SIPA1L2: variants seen among roughly 807,000 people sequenced by gnomAD.
SIPA1L2 encodes the protein signal induced proliferation associated 1 like 2, also known as signal-induced proliferation-associated 1-like protein 2.
A neutral mutation model predicts 163.9 loss-of-function variants in SIPA1L2; 56 were observed. The ratio of observed to expected loss-of-function variants is 0.34; its 90% CI spans 0.28 to 0.43. SIPA1L2 has a LOEUF of 0.43. Among genes scored for constraint, SIPA1L2 ranks in the 20% least tolerant of loss-of-function variants. The probability of loss-of-function intolerance (pLI) is 1.00; values close to 1 mark genes in which losing one functional copy is unlikely to be tolerated. For synonymous variants in SIPA1L2, 877 were observed against 865.7 expected (o/e 1.01, Z -0.23); for missense variants, 1,974 against 2,193.5 (o/e 0.90, Z 2.00).
At chr1:232,406,694 G>A (rs1660653821) in intron 19 of SIPA1L2, among the ~76,000 whole-genome samples, 1 of 152,180 alleles carries the variant, frequency 6.6e-6, no homozygotes, top group Non-Finnish European at 1.5e-5. Context: ...AACGTGTTAT[G>A]TCTGTCCAAC....
intron 2 of SIPA1L2, among the ~76,000 whole-genome samples, chr1:232,525,551 C>T (rs567582217): frequency 1.3e-5 from 2 of 152,028 alleles, no homozygotes; most frequent in Non-Finnish European, 2.9e-5. Context: ...TCAACACACC[C>T]GGCCAATAAT....
Position 232,597,716 on chromosome 1 carries a change from GT to G in SIPA1L2, c.-318-23495del, listed in dbSNP as rs369496347. On this transcript the variant is annotated intron_variant, in intron 1 of 22. Transcript: ENST00000674635. ...AAAAAAAAAAAAAAAAAAAAAAAAA[GT>G]AACAAGATTTGATCTGGACTCAGAA... Among the ~76,000 whole-genome samples the G allele has an allele frequency of 2.7e-3, 263 of 98,092 alleles. 6 individuals carry two copies. Among genetic ancestry groups the G allele is most frequent in the African/African-American group, 0.01 (255 of 24,394 alleles). 64.4% of individuals were successfully genotyped at this position (98,092 alleles called of 152,430 possible). A position where few individuals can be genotyped will look rare whatever the true frequency, so the allele number is the denominator to read the frequency against.
At chr1:232,538,511 G>A (rs1471198890) in intron 2 of SIPA1L2, among the ~76,000 whole-genome samples, 1 of 152,120 alleles carries the variant, frequency 6.6e-6, no homozygotes, top group African/African-American at 2.4e-5. Flanking sequence ...TTTCCACAGA[G>A]TCCCCCAACA....
intron 2 of SIPA1L2, among the ~76,000 whole-genome samples, chr1:232,553,505 C>T (rs1658523477): frequency 6.6e-6 from 1 of 152,162 alleles, no homozygotes; most frequent in Non-Finnish European, 1.5e-5. Flanking sequence ...CCCTCTTCTA[C>T]CCAGTATTTC....
At chr1:232,547,711 G>GC (rs1386587629) in intron 2 of SIPA1L2, among the ~76,000 whole-genome samples, 1 of 152,070 alleles carries the variant, frequency 6.6e-6, no homozygotes, top group African/African-American at 2.4e-5. Flanking sequence ...ACTTTCGGAG[G>GC]CCTCTACAGT....
chr1:232,620,994 T>C (rs1353900742), intron 1 of SIPA1L2, among the ~76,000 whole-genome samples: 1 of 152,254 alleles, frequency 6.6e-6, no homozygotes, highest in African/African-American at 2.4e-5. Flanking sequence ...CACATTCAAC[T>C]GGCTTAAACA....
At chr1:232,621,440 C>T (rs531550266) in intron 1 of SIPA1L2, among the ~76,000 whole-genome samples, 2 of 152,220 alleles carry the variant, frequency 1.3e-5, no homozygotes, top group East Asian at 1.9e-4. Context: ...CCATACCTTA[C>T]AAGTGAGCTG....
At chr1:232,409,823 G>A (rs1480740389) in intron 19 of SIPA1L2, among the ~76,000 whole-genome samples, 2 of 152,180 alleles carry the variant, frequency 1.3e-5, no homozygotes, top group Non-Finnish European at 2.9e-5. Flanking sequence ...AGTCAACCCA[G>A]AGAATCATAA....
intron 22 of SIPA1L2, 122 bp from the exon 23 acceptor site, chr1:232,399,395 G>T: frequency 9.0e-7 from 1 of 1,109,276 alleles, no homozygotes; most frequent in Non-Finnish European, 1.3e-6. Flanking sequence ...GGGAGAAGGG[G>T]TGACTTTCTT....
intron 10 of SIPA1L2, among the ~76,000 whole-genome samples, chr1:232,456,120 G>C (rs531958059): frequency 1.3e-5 from 2 of 152,202 alleles, no homozygotes; most frequent in Non-Finnish European, 2.9e-5. Context: ...AGAAAAAAAA[G>C]TCTGCTTTGT....
At chr1:232,623,492 C>T (rs1027635995) in intron 1 of SIPA1L2, among the ~76,000 whole-genome samples, 3 of 152,148 alleles carry the variant, frequency 2.0e-5, no homozygotes, top group African/African-American at 7.2e-5. Flanking sequence ...CCTGTAGTCC[C>T]AGCTTCTTGG....
At chr1:232,521,757 T>C (rs552858070) in intron 2 of SIPA1L2, among the ~76,000 whole-genome samples, 3 of 152,306 alleles carry the variant, frequency 2.0e-5, no homozygotes, top group African/African-American at 7.2e-5. Flanking sequence ...CTCCTCCTCC[T>C]CCTCAGGTTG....
At chr1:232,579,891 G>C (rs980718769) in intron 1 of SIPA1L2, among the ~76,000 whole-genome samples, 1 of 152,182 alleles carries the variant, frequency 6.6e-6, no homozygotes. Context: ...TGGGGGCTTG[G>C]AGTGTTACTG....
chr1:232,529,005 C>T (rs1014033953), intron 2 of SIPA1L2, among the ~76,000 whole-genome samples: 1 of 152,154 alleles, frequency 6.6e-6, no homozygotes, highest in African/African-American at 2.4e-5. Context: ...ACTTTATAAA[C>T]CCAGAAGTTA....
intron 12 of SIPA1L2, 133 bp from the exon 13 acceptor site, chr1:232,442,001 A>C: frequency 1.5e-6 from 1 of 681,468 alleles, no homozygotes; most frequent in Middle Eastern, 4.1e-4. Flanking sequence ...TGGCAAATGA[A>C]AATGCAAATT....
chr1:232,457,497 G>A (rs61823573), intron 10 of SIPA1L2, among the ~76,000 whole-genome samples: 6,729 of 152,126 alleles, frequency 0.044, 196 homozygotes, highest in Non-Finnish European at 0.065. Flanking sequence ...ACACACACAT[G>A]CATATACATG....
chr1:232,510,363 C>T (rs537353366), intron 3 of SIPA1L2, among the ~76,000 whole-genome samples: 71 of 152,202 alleles, frequency 4.7e-4, no homozygotes, highest in African/African-American at 1.5e-3. Flanking sequence ...TGATGCGTGA[C>T]TATAGTCTAG....
At chr1:232,441,477 G>A in intron 13 of SIPA1L2, 83 bp from the exon 14 acceptor site, 1 of 1,172,852 alleles carries the variant, frequency 8.5e-7, no homozygotes, top group African/African-American at 1.5e-5. Flanking sequence ...CAGACAAGTG[G>A]TTTGGTAAAC....
At chr1:232,612,694 T>C (rs1481538815) in intron 1 of SIPA1L2, among the ~76,000 whole-genome samples, 4 of 152,232 alleles carry the variant, frequency 2.6e-5, no homozygotes, top group Non-Finnish European at 5.9e-5. Flanking sequence ...TGGCTTGCTT[T>C]TGATTTCACA....
Sources: allele counts gnomAD v4.1 joint callset (sites outside exome capture counted in the v4.1 genomes callset), GRCh38; gene constraint gnomAD v4.1.1; transcripts MANE v1.5; gene names NCBI Gene and HGNC (gene_info 2026-07-23, HGNC 2026-07-21).